MYO5B: variants seen among roughly 807,000 people sequenced by gnomAD.
MYO5B encodes myosin VB, also known as unconventional myosin-Vb.
Under a neutral mutation model 229.3 loss-of-function variants are expected in MYO5B, and 143 were observed. The observed-to-expected ratio is 0.62, with a 90% CI of 0.54 to 0.72. MYO5B has a LOEUF of 0.72. Ranked by LOEUF, MYO5B falls within the 30% of genes least tolerant of loss-of-function variation. MYO5B has a pLI of 0.00. For missense variants in MYO5B, 2,321 were observed against 2,331.0 expected, an observed-to-expected ratio of 1.00 and a Z score of 0.09; for synonymous variants, 918 against 885.2, an observed-to-expected ratio of 1.04 and a Z score of -0.66.
chr18:49,934,183 G>T (rs1312402081), intron 16 of MYO5B, among the ~76,000 whole-genome samples: 1 of 152,158 alleles, frequency 6.6e-6, no homozygotes, highest in Non-Finnish European at 1.5e-5. Context: ...GCCCTCATCA[G>T]AATTAACAGG....
intron 1 of MYO5B, among the ~76,000 whole-genome samples, chr18:50,184,286 G>C (rs1465290348): frequency 3.3e-5 from 5 of 152,044 alleles, no homozygotes; most frequent in East Asian, 1.9e-4. Flanking sequence ...AACACAAGCA[G>C]GATCAGACCA....
At chr18:49,846,822 G>C (rs1487024941) in intron 33 of MYO5B, among the ~76,000 whole-genome samples, 4 of 152,130 alleles carry the variant, frequency 2.6e-5, no homozygotes, top group Admixed American at 2.0e-4. Flanking sequence ...CCTGCAGAGA[G>C]CTGCACCAAG....
chr18:49,958,289 A>G (rs759880270), intron 12 of MYO5B, among the ~76,000 whole-genome samples: 13 of 152,204 alleles, frequency 8.5e-5, no homozygotes, highest in Non-Finnish European at 1.8e-4. Flanking sequence ...TGATCTCGAC[A>G]ACTCCTAAAC....
At chr18:49,934,220 A>AGACTAGCTTGCGACTGGCC in intron 16 of MYO5B, among the ~76,000 whole-genome samples, 1 of 152,202 alleles carries the variant, frequency 6.6e-6, no homozygotes, top group African/African-American at 2.4e-5. Flanking sequence ...AGAGAGCAAA[A>AGACTAGCTTGCGACTGGCC]GACTAGCTTG....
chr18:50,002,460 G>T (rs2026058471), intron 4 of MYO5B, among the ~76,000 whole-genome samples: 1 of 152,164 alleles, frequency 6.6e-6, no homozygotes, highest in Admixed American at 6.5e-5. Context: ...AAGGAACATG[G>T]ATGTCCCTAG....
intron 26 of MYO5B, among the ~76,000 whole-genome samples, chr18:49,874,801 C>A (rs2024498013): frequency 6.6e-6 from 1 of 152,152 alleles, no homozygotes; most frequent in Non-Finnish European, 1.5e-5. Context: ...TGGCCTTGTA[C>A]CCTTTAGAAG....
chr18:49,860,772 T>C (rs2144073818), intron 29 of MYO5B, among the ~76,000 whole-genome samples: 1 of 152,350 alleles, frequency 6.6e-6, no homozygotes, highest in Middle Eastern at 3.4e-3. Context: ...AAATTCTAAA[T>C]GGTCTTTCAC....
intron 14 of MYO5B, among the ~76,000 whole-genome samples, chr18:49,939,595 G>T (rs1249874521): frequency 1.3e-5 from 2 of 152,160 alleles, no homozygotes; most frequent in Non-Finnish European, 2.9e-5. Context: ...GGCGACTGGG[G>T]AGAAGGAACC....
intron 1 of MYO5B, among the ~76,000 whole-genome samples, chr18:50,065,247 C>G (rs565044494): frequency 6.6e-6 from 1 of 152,222 alleles, no homozygotes; most frequent in African/African-American, 2.4e-5. Flanking sequence ...CAAGTATTTA[C>G]TGAAGACCTC....
intron 1 of MYO5B, among the ~76,000 whole-genome samples, chr18:50,125,625 A>G (rs1200273408): frequency 6.6e-6 from 1 of 152,206 alleles, no homozygotes; most frequent in African/African-American, 2.4e-5. Context: ...TCAATCTTCA[A>G]AATGACCCTA....
chr18:49,882,595 T>C (rs1476815895), intron 22 of MYO5B, among the ~76,000 whole-genome samples: 2 of 123,908 alleles, frequency 1.6e-5, no homozygotes, highest in Admixed American at 2.1e-4. Context: ...GCCACAGCAC[T>C]CCAGCCTGGC....
chr18:49,954,193 A>C, intron 13 of MYO5B, 120 bp downstream of exon 13: 1 of 1,462,558 alleles, frequency 6.8e-7, no homozygotes, highest in African/African-American at 1.4e-5. Flanking sequence ...AGGGGAACCT[A>C]GCTGAGGCTT....
At chr18:49,986,882 G>C (rs2025875912) in intron 7 of MYO5B, among the ~76,000 whole-genome samples, 1 of 152,096 alleles carries the variant, frequency 6.6e-6, no homozygotes, top group African/African-American at 2.4e-5. Flanking sequence ...TCAGGCCTGG[G>C]ATTCCATTAC....
At chr18:50,145,860 G>A (rs2032493866) in intron 1 of MYO5B, among the ~76,000 whole-genome samples, 1 of 152,160 alleles carries the variant, frequency 6.6e-6, no homozygotes, top group African/African-American at 2.4e-5. Flanking sequence ...AAACTCAAAA[G>A]TTGTTCTCAT....
intron 2 of MYO5B, among the ~76,000 whole-genome samples, chr18:50,051,963 A>G (rs1178579354): frequency 2.0e-5 from 3 of 152,186 alleles, no homozygotes; most frequent in African/African-American, 7.2e-5. Context: ...TGGTTACACA[A>G]TGTAAATACC....
At chr18:49,831,551 A>G (rs2023922124) in intron 39 of MYO5B, among the ~76,000 whole-genome samples, 1 of 152,164 alleles carries the variant, frequency 6.6e-6, no homozygotes, top group African/African-American at 2.4e-5. Flanking sequence ...CCAAACCACA[A>G]TGAGATGCCA....
intron 1 of MYO5B, among the ~76,000 whole-genome samples, chr18:50,145,701 C>T (rs1342774021): frequency 1.3e-5 from 2 of 151,998 alleles, no homozygotes; most frequent in Admixed American, 6.5e-5. Context: ...ATTCAAACAG[C>T]TCTAACAAAA....
intron 1 of MYO5B, among the ~76,000 whole-genome samples, chr18:50,108,588 C>T (rs562627847): frequency 3.3e-5 from 5 of 152,226 alleles, no homozygotes; most frequent in Non-Finnish European, 7.4e-5. Flanking sequence ...CAGCCTAGAC[C>T]GGCTACATGT....
chr18:50,140,028 A>T (rs912325140), intron 1 of MYO5B, among the ~76,000 whole-genome samples: 1 of 152,000 alleles, frequency 6.6e-6, no homozygotes, highest in Non-Finnish European at 1.5e-5. Context: ...TAGGGGGAAA[A>T]AAACTTTAAA....
Sources: gnomAD v4.1 joint callset for allele counts (sites outside exome capture counted in the v4.1 genomes callset) on GRCh38, gnomAD v4.1.1 for gene constraint, MANE v1.5 for transcripts, NCBI Gene and HGNC (gene_info 2026-07-23, HGNC 2026-07-21) for gene names.